DOT1L: variants seen among roughly 807,000 people sequenced by gnomAD.
DOT1L encodes histone-lysine N-methyltransferase, H3 lysine-79 specific.
In DOT1L, 33 loss-of-function variants were observed where a neutral mutation model predicts 153.3. The observed-to-expected ratio is 0.22, with a 90% confidence interval of 0.16 to 0.29. The LOEUF is 0.29. Among genes scored for constraint, DOT1L ranks in the 10% least tolerant of loss-of-function variants. The pLI, the probability that DOT1L is intolerant of heterozygous loss-of-function variation, is 1.00. For synonymous variants in DOT1L, 1,135 were observed against 965.1 expected, an observed-to-expected ratio of 1.18 and a Z score of -3.26; for missense variants, 1,847 against 2,119.9, an observed-to-expected ratio of 0.87 and a Z score of 2.53.
Position 2,194,630 on chromosome 19 carries a change from C to CA in DOT1L, c.651+54dup. 4 of 1,587,398 alleles carry CA rather than the reference C, an allele frequency of 2.5e-6. No homozygotes were observed. In the Admixed American group the frequency reaches 6.7e-5, roughly 27 times the overall value. ...CCATCGCCGGCCCCACCCCCGCTCC[C>CA]ACCCTCCTGTCAGCCCCTCCTTTCT... On this transcript the variant is annotated intron_variant, in intron 7 of 27. Transcript: ENST00000398665.
chr19:2,221,895 C>T (rs1473666792), intron 23 of DOT1L, 81 bp from the exon 24 acceptor site: 27 of 1,385,734 alleles, frequency 1.9e-5, no homozygotes, highest in Non-Finnish European at 2.6e-5. Context: ...CCACAGAGCT[C>T]CTAGGGGGTG....
chr19:2,211,831 G>C lies in DOT1L; in HGVS notation c.1546G>C (p.Gly516Arg), dbSNP rs1462486442. The change falls in exon 16 of 28, where the codon GGC becomes CGC. Residue 516 changes from glycine (G) to arginine (R), a missense_variant. By Grantham distance (125) the Gly-to-Arg change is moderately radical. Transcript: ENST00000398665. ...QYKASLQELL[G>R]QEKEKNAQLL... ...CAAGGCCAGCCTGCAGGAGCTGCTG[G>C]GCCAGGAGAAGGTGGGTCCTGGCCC... is the stretch of plus-strand genomic sequence containing the variant. 4.5e-6 allele frequency: 7 copies of C among 1,567,614 alleles called. No individual in the cohort carries two copies. The highest frequency in any genetic ancestry group is 6.1e-6 in the Non-Finnish European group (7 of 1,156,144).
At chr19:2,184,249 C>T (rs1338116429) in intron 2 of DOT1L, among the ~76,000 whole-genome samples, 1 of 152,134 alleles carries the variant, frequency 6.6e-6, no homozygotes, top group Non-Finnish European at 1.5e-5. Flanking sequence ...TGATGATCTG[C>T]ATTGTGAGGT....
At chr19:2,181,542 T>G (rs1599546526) in intron 2 of DOT1L, among the ~76,000 whole-genome samples, 1 of 152,090 alleles carries the variant, frequency 6.6e-6, no homozygotes, top group Non-Finnish European at 1.5e-5. Context: ...CTGGCCAGGT[T>G]GTTTGAGGAT....
chr19:2,180,628 G>A, intron 1 of DOT1L, 85 bp from the exon 2 acceptor site: 1 of 1,527,796 alleles, frequency 6.5e-7, no homozygotes, highest in Non-Finnish European at 9.0e-7. Context: ...ATGGGAAGTT[G>A]ACGGCATCGC....
At chr19:2,184,224 G>C (rs1044463180) in intron 2 of DOT1L, among the ~76,000 whole-genome samples, 1 of 152,138 alleles carries the variant, frequency 6.6e-6, no homozygotes, top group African/African-American at 2.4e-5. Context: ...GGCCTCGCTC[G>C]GTGCCTGGGG....
At chr19:2,225,552 C>A in intron 26 of DOT1L, 100 bp downstream of exon 26, 2 of 1,276,044 alleles carry the variant, frequency 1.6e-6, no homozygotes, top group Non-Finnish European at 2.3e-6. Flanking sequence ...GCATCGTGTC[C>A]CGCATGGTGC....
intron 2 of DOT1L, among the ~76,000 whole-genome samples, chr19:2,182,150 C>G (rs1050231578): frequency 6.6e-5 from 10 of 152,054 alleles, no homozygotes; most frequent in African/African-American, 2.4e-4. Flanking sequence ...TAGCTTGAAC[C>G]CAGGGGGCGG....
At position 2,207,714 on chromosome 19, in the gene DOT1L, G is replaced by A. The variant is rs376875796; in HGVS notation, c.963+34G>A. The A allele has an allele frequency of 2.9e-5, 45 of 1,564,238 alleles. No individual in the cohort carries two copies. Among genetic ancestry groups the A allele is most frequent in the Admixed American group, 3.6e-5 (2 of 55,750 alleles). Reference sequence around the variant, plus strand: ...CTCGCTGCGCCTCAGCCGCAGGGCCGTCCTGGTCTTCCACCCCGCCCACGT... The same window carrying A: ...CTCGCTGCGCCTCAGCCGCAGGGCCATCCTGGTCTTCCACCCCGCCCACGT... On this transcript the variant is annotated intron_variant, in intron 11 of 27. Transcript: ENST00000398665. This position sits in a 1 kb window ranked among gnomAD's most constrained non-coding sequence, Gnocchi z 4.5.
chr19:2,184,114 G>T (rs2022379825), intron 2 of DOT1L, among the ~76,000 whole-genome samples: 1 of 152,174 alleles, frequency 6.6e-6, no homozygotes, highest in Non-Finnish European at 1.5e-5. Context: ...CAGGCTCCTT[G>T]CTGCTTTGAG....
In DOT1L at chr19:2,209,027, T is replaced by G. The variant is rs568869375; in HGVS notation, c.1005+51T>G. 30 of 1,592,822 alleles carry G rather than the reference T, an allele frequency of 1.9e-5. No individual in the cohort carries two copies. The African/African-American group carries it at 3.9e-4, about 21-fold the overall frequency. ...GGTTAATAACACGCATGCACTGATG[T>G]GGGGAAATGCAAAGCCGTGCGCAGC... is the stretch of plus-strand genomic sequence containing the variant. On this transcript the variant is annotated intron_variant, in intron 12 of 27. Transcript: ENST00000398665.
In DOT1L at chr19:2,180,899, A is replaced by C; in HGVS notation, c.125+143A>C. 3.2e-6 allele frequency: 3 copies of C among 942,686 alleles called. No homozygotes were observed. The South Asian group carries it at 4.8e-5, about 15-fold the overall frequency. 58.4% of individuals were successfully genotyped at this position (942,686 alleles called of 1,614,324 possible). On this transcript the variant is annotated intron_variant, in intron 2 of 27. Coordinates refer to ENST00000398665, the MANE Select transcript of DOT1L (RefSeq NM_032482.3). ...TTGTGAAGCGGATCAGGGGTGACTC[A>C]GGGACGGGTAGAGCTGCTTCTCCCA...
chr19:2,224,831 CATT>C (rs1568370141), intron 25 of DOT1L, among the ~76,000 whole-genome samples: 1 of 152,216 alleles, frequency 6.6e-6, no homozygotes, highest in Non-Finnish European at 1.5e-5. Flanking sequence ...ACACGAGAAA[CATT>C]GTAGCACCTG....
rs771447215 is a variant in DOT1L, at chr19:2,232,436, C to T, written c.*2644C>T. The T allele has an allele frequency of 4.1e-5, 9 of 221,774 alleles. No individual in the cohort carries two copies. The highest frequency in any genetic ancestry group is 1.3e-4 in the African/African-American group (6 of 44,636). 13.7% of individuals were successfully genotyped at this position (221,774 alleles called of 1,614,324 possible). On this transcript the variant is annotated 3_prime_UTR_variant, in exon 28 of 28. Transcript: ENST00000398665. ...GCCTTTGTAACGTGGGAGGCTCTGC[C>T]GTGTCTTCCGGGTGAACTGTATTTG...
rs2023677284 is a variant in DOT1L, at chr19:2,210,707, G to C, written c.1203G>C (p.Lys401Asn). ...PSKARKKKLNKKGRKMAGRKR... is the reference protein window; with the variant it reads ...PSKARKKKLNNKGRKMAGRKR... ...AAGCCCGCAAGAAGAAGCTAAACAA[G>C]AAGGGGAGGAAGATGGCTGGCCGCA... Residue 401 changes from lysine (K) to asparagine (N), a missense_variant, in exon 14 of 28, where the codon AAG becomes AAC. This residue lies in a region of DOT1L where 205 missense variants were observed against 203.1 expected (regional missense o/e 1.01). Transcript: ENST00000398665. 1.2e-6 allele frequency: 2 copies of C among 1,613,074 alleles called. No homozygotes were observed. The highest frequency in any genetic ancestry group is 1.7e-6 in the Non-Finnish European group (2 of 1,180,024).
chr19:2,218,666 T>G (rs1405537034), intron 22 of DOT1L, among the ~76,000 whole-genome samples: 2 of 151,864 alleles, frequency 1.3e-5, no homozygotes, highest in Non-Finnish European at 2.9e-5. Flanking sequence ...GTGCTGGGAT[T>G]ACAGGCGTGA....
chr19:2,210,992 G>A (rs2023690511), intron 14 of DOT1L, 107 bp from the exon 15 acceptor site: 1 of 1,456,876 alleles, frequency 6.9e-7, no homozygotes, highest in Admixed American at 1.9e-5. Flanking sequence ...TGTGCCTTCA[G>A]GGTGGCCCCA....
chr19:2,217,393 A>G lies in DOT1L; in HGVS notation c.2544+303A>G, dbSNP rs1361704966. 6.6e-6 allele frequency among the ~76,000 whole-genome samples: 1 copy of G among 152,130 alleles called. No homozygotes were observed. The highest frequency in any genetic ancestry group is 1.5e-5 in the Non-Finnish European group (1 of 67,998). On this transcript the variant is annotated intron_variant, in intron 21 of 27. Coordinates refer to ENST00000398665, the MANE Select transcript of DOT1L (RefSeq NM_032482.3). This position sits in a 1 kb window ranked among gnomAD's most constrained non-coding sequence, Gnocchi z 7.3. ...AGCCCAGTTTGGGAGGCCGCTGCCC[A>G]TGAGGACTTCCCCGGGGGCACTGGC...
In DOT1L at chr19:2,208,800, C is replaced by T. The variant is rs1029354341; in HGVS notation, c.964-135C>T. On this transcript the variant is annotated intron_variant, in intron 11 of 27. Transcript: ENST00000398665. This position sits in a 1 kb window ranked among gnomAD's most constrained non-coding sequence, Gnocchi z 4.4. The stretch of plus-strand genomic sequence containing the variant: ...GTTTGCCACTGGGGGGCTCTAGCTG[C>T]ATGCCTGCTGTCCCCAGATACCAGA... The T allele has an allele frequency of 9.1e-6, 8 of 877,138 alleles. No homozygotes were observed. The highest frequency in any genetic ancestry group is 1.7e-5 in the African/African-American group (1 of 58,948). The allele number at this position is 877,138 out of a possible 1,614,324, so 54.3% of individuals were successfully genotyped here. A position where few individuals can be genotyped will look rare whatever the true frequency, so the allele number is the denominator to read the frequency against.
Sources: allele counts gnomAD v4.1 joint callset (sites outside exome capture counted in the v4.1 genomes callset), GRCh38; gene constraint gnomAD v4.1.1; regional missense constraint gnomAD v4.1.1; non-coding constraint Gnocchi (gnomAD v3.1); transcripts MANE v1.5; gene names NCBI Gene and HGNC (gene_info 2026-07-23, HGNC 2026-07-21).